The following AKAP9 variants were observed in gnomAD, a reference collection of about 807,000 sequenced individuals.
AKAP9 encodes A-kinase anchor protein 9.
AKAP9 carries 311 observed loss-of-function variants against 488.5 expected under a neutral mutation model. The ratio of observed to expected loss-of-function variants is 0.64; its 90% CI spans 0.58 to 0.70. AKAP9 has a LOEUF of 0.70. Ranked by LOEUF, AKAP9 falls within the 30% of genes least tolerant of loss-of-function variation. The probability of loss-of-function intolerance (pLI) is 0.00; values close to 1 mark genes in which losing one functional copy is unlikely to be tolerated. For synonymous variants in AKAP9, 1,462 were observed against 1,483.5 expected (o/e 0.99, Z 0.33); for missense variants, 4,215 against 4,374.5 (o/e 0.96, Z 1.03).
Position 92,042,771 on chromosome 7 carries a change from G to T in AKAP9, c.5162G>T (p.Arg1721Met). 1 of 1,594,652 alleles carries T rather than the reference G, an allele frequency of 6.3e-7. No homozygotes were observed. The highest frequency in any genetic ancestry group is 8.6e-7 in the Non-Finnish European group (1 of 1,163,412). ...DVPPEILSNE[R>M]YALQKANNRL... ...CCTCCTGAGATTTTGTCTAATGAAAGGTATACAAAATGTGTACTTTTTCAG... is the reference window on the plus strand; with the variant it reads ...CCTCCTGAGATTTTGTCTAATGAAATGTATACAAAATGTGTACTTTTTCAG... Residue 1721 changes from arginine to methionine, a missense_variant and splice_region_variant, in exon 20 of 50, where the codon AGG (arginine) becomes ATG (methionine). By Grantham distance (91) the Arg-to-Met change is moderately conservative. Around this residue, in one of 5 missense-constraint regions of AKAP9, gnomAD observed 2,361 missense variants for 2,430.0 expected, o/e 0.97. Transcript: ENST00000356239.
In AKAP9 at chr7:91,989,948, C is replaced by T. The variant is rs1309508377; in HGVS notation, c.352-2210C>T. Among the ~76,000 whole-genome samples, 5 of 152,102 alleles carry T rather than the reference C, an allele frequency of 3.3e-5. No homozygotes were observed. In the South Asian group the frequency reaches 1.0e-3, roughly 32 times the overall value. On this transcript the variant is annotated intron_variant, in intron 3 of 49. Transcript: ENST00000356239. Reference sequence around the variant, plus strand: ...TTTTATAGTCACATAGTGAAAGTTACCTTTCCTCTGATTCTTTCTGAATAG... The same window carrying T: ...TTTTATAGTCACATAGTGAAAGTTATCTTTCCTCTGATTCTTTCTGAATAG...
Position 92,077,728 on chromosome 7 carries a change from G to C in AKAP9, c.6798G>C (p.Lys2266Asn). The stretch of plus-strand genomic sequence containing the variant: ...TGGAGAAACTGGGACTTGCCATAAA[G>C]GAATCTGATGCCATGTCTACTCAAG... Reference protein sequence around the residue: ...DDMEKLGLAIKESDAMSTQDQ... With the variant: ...DDMEKLGLAINESDAMSTQDQ... The change falls in exon 30 of 50, where the codon AAG becomes AAC. Residue 2266 changes from lysine to asparagine, a missense_variant. Physicochemically the swap from Lys to Asn is moderately conservative, Grantham distance 94. Transcript: ENST00000356239. 1 of 1,613,754 alleles carries C rather than the reference G, an allele frequency of 6.2e-7. No homozygotes were observed. Among genetic ancestry groups the C allele is most frequent in the Non-Finnish European group, 8.5e-7 (1 of 1,179,880 alleles).
chr7:92,029,768 C>A, intron 14 of AKAP9, 127 bp from the exon 15 acceptor site: 1 of 737,492 alleles, frequency 1.4e-6, no homozygotes, highest in South Asian at 1.6e-5. Flanking sequence ...ACTTGCAATA[C>A]CTATAACCCT....
At position 92,062,483 on chromosome 7, in the gene AKAP9, C is replaced by A; in HGVS notation, c.5974C>A (p.Gln1992Lys). ...GAAAGCAGAGGCAGGCCCAGTTGAA[C>A]AACGTAAGTATTTTCAGAATTTGTA... ...AMKAEAGPVE[Q>K]QLLQETEKLM... is the part of the protein sequence containing the mutation. The change falls in exon 24 of 50, where the codon CAA becomes AAA. Residue 1992 changes from glutamine to lysine, a missense_variant. Around this residue, in one of 5 missense-constraint regions of AKAP9, gnomAD observed 2,361 missense variants for 2,430.0 expected, o/e 0.97. Transcript: ENST00000356239. 1 of 1,612,342 alleles carries A rather than the reference C, an allele frequency of 6.2e-7. No individual in the cohort carries two copies. The highest frequency in any genetic ancestry group is 8.5e-7 in the Non-Finnish European group (1 of 1,178,748).
chr7:92,106,266 TAAC>T (rs1383159270), intron 47 of AKAP9, among the ~76,000 whole-genome samples: 1 of 152,230 alleles, frequency 6.6e-6, no homozygotes, highest in Non-Finnish European at 1.5e-5. Context: ...AGGGTAATAA[TAAC>T]TGATTTTCAT....
At chr7:92,066,976 T>C (rs1008242917) in intron 26 of AKAP9, among the ~76,000 whole-genome samples, 3 of 152,260 alleles carry the variant, frequency 2.0e-5, no homozygotes, top group African/African-American at 7.2e-5. Flanking sequence ...CTCATGGCTA[T>C]GGCTAATATC....
rs770870521 is a variant in AKAP9, at chr7:91,992,661, C to CA, written c.406-200dup. Among the ~76,000 whole-genome samples the CA allele has an allele frequency of 0.12, 5,594 of 45,150 alleles. 459 individuals are homozygous for CA. Among genetic ancestry groups the CA allele is most frequent in the East Asian group, 0.44 (868 of 1,992 alleles). The allele number at this position is 45,150 out of a possible 152,430, so 29.6% of individuals were successfully genotyped here. On this transcript the variant is annotated intron_variant, in intron 4 of 49. Transcript: ENST00000356239. ...CCTGGGTGACAGAGCAAGACTCTGT[C>CA]AAAAAAAAAAAAAAAAAAAAAAAAC...
chr7:92,086,149 C>T (rs969456510), intron 36 of AKAP9, 79 bp from the exon 37 acceptor site: 2 of 1,197,752 alleles, frequency 1.7e-6, no homozygotes, highest in African/African-American at 1.6e-5. Context: ...AATTATTTTT[C>T]TTTGTAGATT....
chr7:92,035,323 C>A lies in AKAP9; in HGVS notation c.4339-3096C>A, dbSNP rs1019710377. On this transcript the variant is annotated intron_variant, in intron 16 of 49. Coordinates refer to ENST00000356239, the MANE Select transcript of AKAP9 (RefSeq NM_005751.5). ...AGTTTCTTTGTGGTCTGGCAAAATACCTCATATAATTTCAGTTCTTTTAAA... is the reference window on the plus strand; with the variant it reads ...AGTTTCTTTGTGGTCTGGCAAAATAACTCATATAATTTCAGTTCTTTTAAA... Among the ~76,000 whole-genome samples, 6 of 152,084 alleles carry A rather than the reference C, an allele frequency of 3.9e-5. No homozygotes were observed. The East Asian group carries it at 1.2e-3, about 29-fold the overall frequency.
intron 20 of AKAP9, 49 bp downstream of exon 20, chr7:92,042,820 T>G (rs1278558546): frequency 1.6e-6 from 2 of 1,260,404 alleles, no homozygotes; most frequent in African/African-American, 2.9e-5. Flanking sequence ...AAAATGGTTG[T>G]TTCAATGTAA....
rs764685154 is a variant in AKAP9 at position 92,077,011 on chromosome 7, ATTAG to A, written c.6765+8_6765+11del. ...ACAGGAAAACAAATTATTTAAGGTA[ATTAG>A]TTAAGAAAAACTTTTATCTGTAAAT... On this transcript the variant is annotated splice_donor_5th_base_variant and intron_variant, in intron 29 of 49. Coordinates refer to ENST00000356239, the MANE Select transcript of AKAP9 (RefSeq NM_005751.5). 6.5e-7 allele frequency: 1 copy of A among 1,537,374 alleles called. No individual in the cohort carries two copies. The highest frequency in any genetic ancestry group is 1.4e-5 in the African/African-American group (1 of 72,012).
chr7:92,101,469 G>A (rs1182217742), intron 45 of AKAP9, among the ~76,000 whole-genome samples: 1 of 151,868 alleles, frequency 6.6e-6, no homozygotes, highest in Admixed American at 6.6e-5. Flanking sequence ...TAGTATTCAG[G>A]TTTTGTCTCT....
intron 3 of AKAP9, among the ~76,000 whole-genome samples, chr7:91,985,892 C>A (rs924981811): frequency 2.0e-5 from 3 of 152,134 alleles, no homozygotes; most frequent in African/African-American, 4.8e-5. Flanking sequence ...CTTGATCTCC[C>A]CACCTCGGCC....
intron 28 of AKAP9, among the ~76,000 whole-genome samples, chr7:92,072,549 T>C (rs1811886014): frequency 6.6e-6 from 1 of 152,224 alleles, no homozygotes; most frequent in Non-Finnish European, 1.5e-5. Flanking sequence ...TGTATCATGG[T>C]ATTTGAGATA....
At chr7:92,107,515 T>C in intron 48 of AKAP9, 93 bp downstream of exon 48, 4 of 1,234,038 alleles carry the variant, frequency 3.2e-6, no homozygotes, top group Non-Finnish European at 4.7e-6. Context: ...CTTCTTTGCA[T>C]TGAGATAGAC....
chr7:91,940,887 G>A lies in AKAP9; in HGVS notation c.-213G>A, dbSNP rs917630807. 5.0e-6 allele frequency: 3 copies of A among 602,018 alleles called. No individual in the cohort carries two copies. The highest frequency in any genetic ancestry group is 1.9e-5 in the South Asian group (1 of 52,764). 37.3% of individuals were successfully genotyped at this position (602,018 alleles called of 1,614,324 possible). ...GTGTTTACGTGGAGACGAAGATGGC[G>A]GCGGCGGCGGCGGTGACGGCGCTTC... On this transcript the variant is annotated 5_prime_UTR_variant, in exon 1 of 50. Transcript: ENST00000356239.
At chr7:92,005,592 A>G (rs1039755238) in intron 8 of AKAP9, among the ~76,000 whole-genome samples, 2 of 152,198 alleles carry the variant, frequency 1.3e-5, no homozygotes, top group Non-Finnish European at 2.9e-5. Flanking sequence ...TTTATGATTT[A>G]TATCAAATGT....
rs777913621 is a variant in AKAP9, at chr7:92,096,974, T to G, written c.10015T>G (p.Leu3339Val). Residue 3339 changes from leucine to valine, a missense_variant, in exon 41 of 50, where the codon TTG becomes GTG. By Grantham distance (32) the Leu-to-Val change is conservative. This residue lies in a region of AKAP9 where 1,476 missense variants were observed against 1,477.4 expected (regional missense o/e 1.00). Coordinates refer to ENST00000356239, the MANE Select transcript of AKAP9 (RefSeq NM_005751.5). Reference protein sequence around the residue: ...SDGTGQSRPPLPSEDLLKELQ... With the variant: ...SDGTGQSRPPVPSEDLLKELQ... ...TGGTACTGGACAGTCTCGGCCACCCTTGCCCTCAGAGGACCTACTGAAAGA... is the reference window on the plus strand; with the variant it reads ...TGGTACTGGACAGTCTCGGCCACCCGTGCCCTCAGAGGACCTACTGAAAGA... 1.2e-6 allele frequency: 2 copies of G among 1,614,162 alleles called. No homozygotes were observed. Among genetic ancestry groups the G allele is most frequent in the Non-Finnish European group, 1.7e-6 (2 of 1,179,988 alleles).
rs1584043537 is a variant in AKAP9 at position 92,002,467 on chromosome 7, T to G, written c.2550T>G (p.Phe850Leu). 4 of 1,610,714 alleles carry G rather than the reference T, an allele frequency of 2.5e-6. No individual in the cohort carries two copies. The highest frequency in any genetic ancestry group is 2.5e-6 in the Non-Finnish European group (3 of 1,179,074). Reference protein sequence around the residue: ...NEEIEKQRNTFSFAEKNFEVN... With the variant: ...NEEIEKQRNTLSFAEKNFEVN... ...AGATTGAAAAGCAAAGGAACACTTTTTCATTTGCTGAAAAAAACTTTGAAG... is the reference window on the plus strand; with the variant it reads ...AGATTGAAAAGCAAAGGAACACTTTGTCATTTGCTGAAAAAAACTTTGAAG... The change falls in exon 8 of 50, where the codon TTT becomes TTG. Residue 850 changes from phenylalanine (F) to leucine (L), a missense_variant. Phe to Leu is a conservative substitution (Grantham distance 22). This residue lies in a region of AKAP9 where 2,361 missense variants were observed against 2,430.0 expected (regional missense o/e 0.97). Transcript: ENST00000356239.
Sources: gnomAD v4.1 joint callset for allele counts (sites outside exome capture counted in the v4.1 genomes callset) on GRCh38, gnomAD v4.1.1 for gene constraint, gnomAD v4.1.1 regional missense constraint, MANE v1.5 for transcripts, NCBI Gene and HGNC (gene_info 2026-07-23, HGNC 2026-07-21) for gene names.